SIPA1L2: variants seen among roughly 807,000 people sequenced by gnomAD.
SIPA1L2 encodes the protein signal induced proliferation associated 1 like 2.
SIPA1L2 carries 56 observed loss-of-function variants against 163.9 expected under a neutral mutation model. That is an observed-to-expected ratio of 0.34 (90% CI 0.28 to 0.43). The LOEUF is 0.43. Ranked by LOEUF, SIPA1L2 falls within the 20% of genes least tolerant of loss-of-function variation. The pLI is 1.00. For missense variants in SIPA1L2, 1,974 were observed against 2,193.5 expected (o/e 0.90, Z 2.00); for synonymous variants, 877 against 865.7 (o/e 1.01, Z -0.23).
intron 1 of SIPA1L2, among the ~76,000 whole-genome samples, chr1:232,589,783 A>G (rs556931501): frequency 5.9e-5 from 9 of 152,326 alleles, no homozygotes; most frequent in East Asian, 3.9e-4. Flanking sequence ...GGGAAAACTG[A>G]TAAGTGCATT....
At chr1:232,564,656 T>C (rs1384137160) in intron 2 of SIPA1L2, among the ~76,000 whole-genome samples, 1 of 152,122 alleles carries the variant, frequency 6.6e-6, no homozygotes, top group Non-Finnish European at 1.5e-5. Flanking sequence ...TAATTTAGCG[T>C]TTACTTTTCC....
chr1:232,616,609 A>G (rs990112544), intron 1 of SIPA1L2, among the ~76,000 whole-genome samples: 4 of 152,206 alleles, frequency 2.6e-5, no homozygotes, highest in African/African-American at 7.2e-5. Flanking sequence ...GGAGGAGAGC[A>G]GCCTACCTGT....
chr1:232,427,045 T>G (rs561474773), intron 17 of SIPA1L2, among the ~76,000 whole-genome samples: 1 of 152,344 alleles, frequency 6.6e-6, no homozygotes, highest in East Asian at 1.9e-4. Context: ...AACTGGAATG[T>G]GTGTGAGTTA....
chr1:232,619,893 AT>A (rs111286928), intron 1 of SIPA1L2, among the ~76,000 whole-genome samples: 12 of 150,670 alleles, frequency 8.0e-5, no homozygotes, highest in East Asian at 2.0e-4. Context: ...CTCCAAATAG[AT>A]TTTTTTTTTA....
At chr1:232,551,853 C>G (rs1658404051) in intron 2 of SIPA1L2, among the ~76,000 whole-genome samples, 1 of 152,132 alleles carries the variant, frequency 6.6e-6, no homozygotes, top group Admixed American at 6.6e-5. Context: ...TTTATTTTCC[C>G]CATGAGAAGA....
chr1:232,523,657 C>T (rs1478671668), intron 2 of SIPA1L2, among the ~76,000 whole-genome samples: 1 of 152,056 alleles, frequency 6.6e-6, no homozygotes, highest in Admixed American at 6.5e-5. Context: ...AACTGGCAGG[C>T]TGGAGCTTTA....
At chr1:232,527,517 G>C (rs1489706975) in intron 2 of SIPA1L2, among the ~76,000 whole-genome samples, 1 of 152,106 alleles carries the variant, frequency 6.6e-6, no homozygotes, top group Non-Finnish European at 1.5e-5. Context: ...AGTATGAACT[G>C]AGTGCTAAAT....
chr1:232,622,178 TA>T (rs1662844265), intron 1 of SIPA1L2, among the ~76,000 whole-genome samples: 2 of 152,232 alleles, frequency 1.3e-5, no homozygotes, highest in Admixed American at 6.5e-5. Context: ...TACACAAATG[TA>T]AACAAATAGG....
intron 1 of SIPA1L2, among the ~76,000 whole-genome samples, chr1:232,615,459 T>A (rs1325533645): frequency 6.6e-6 from 1 of 152,186 alleles, no homozygotes; most frequent in Non-Finnish European, 1.5e-5. Flanking sequence ...GAGTATGAGA[T>A]GGCCCCTGGA....
At chr1:232,599,041 T>C (rs1661444561) in intron 1 of SIPA1L2, among the ~76,000 whole-genome samples, 1 of 151,970 alleles carries the variant, frequency 6.6e-6, no homozygotes, top group Non-Finnish European at 1.5e-5. Flanking sequence ...ACAGCTGCTT[T>C]AATGGAGCAA....
At chr1:232,547,736 T>G (rs565414869) in intron 2 of SIPA1L2, among the ~76,000 whole-genome samples, 4 of 152,104 alleles carry the variant, frequency 2.6e-5, no homozygotes, top group Non-Finnish European at 5.9e-5. Flanking sequence ...AACGAAAAAA[T>G]TCCTATTGAT....
intron 1 of SIPA1L2, among the ~76,000 whole-genome samples, chr1:232,617,009 A>C (rs1662532710): frequency 6.6e-6 from 1 of 152,252 alleles, no homozygotes; most frequent in African/African-American, 2.4e-5. Flanking sequence ...ACATATTATC[A>C]TAAAACTGAA....
chr1:232,574,918 A>G (rs187099752), intron 1 of SIPA1L2, among the ~76,000 whole-genome samples: 6 of 152,332 alleles, frequency 3.9e-5, no homozygotes, highest in South Asian at 2.1e-4. Flanking sequence ...GAAAAAAACA[A>G]TTGGTCTTTT....
At chr1:232,519,695 G>A (rs529511176) in intron 2 of SIPA1L2, among the ~76,000 whole-genome samples, 1 of 152,244 alleles carries the variant, frequency 6.6e-6, no homozygotes, top group South Asian at 2.1e-4. Context: ...AAAGGCCATG[G>A]TATTTTTCCT....
At chr1:232,516,524 C>A (rs1463074334) in intron 2 of SIPA1L2, among the ~76,000 whole-genome samples, 1 of 152,190 alleles carries the variant, frequency 6.6e-6, no homozygotes, top group Non-Finnish European at 1.5e-5. Context: ...CTGTGCATGT[C>A]AGTATCTGAC....
At chr1:232,445,902 C>A in intron 10 of SIPA1L2, 116 bp from the exon 11 acceptor site, 1 of 1,148,730 alleles carries the variant, frequency 8.7e-7, no homozygotes, top group Admixed American at 2.2e-5. Context: ...CTCCCGGCTC[C>A]AAGTCAATGA....
intron 18 of SIPA1L2, among the ~76,000 whole-genome samples, chr1:232,418,911 A>G (rs1260675126): frequency 2.6e-5 from 4 of 152,216 alleles, no homozygotes; most frequent in East Asian, 3.9e-4. Flanking sequence ...AATGTATTTG[A>G]TAAGTGACTA....
intron 1 of SIPA1L2, among the ~76,000 whole-genome samples, chr1:232,605,453 G>T (rs1003593838): frequency 6.6e-6 from 1 of 152,186 alleles, no homozygotes; most frequent in Non-Finnish European, 1.5e-5. Context: ...CCAGAACTTT[G>T]GGAGGCCGAA....
chr1:232,518,526 C>A (rs1334092765), intron 2 of SIPA1L2, among the ~76,000 whole-genome samples: 1 of 152,170 alleles, frequency 6.6e-6, no homozygotes, highest in African/African-American at 2.4e-5. Context: ...GTTTTCTACG[C>A]CCTGCCCCAG....
Sources: gnomAD v4.1 joint callset for allele counts (sites outside exome capture counted in the v4.1 genomes callset) on GRCh38, gnomAD v4.1.1 for gene constraint, MANE v1.5 for transcripts, NCBI Gene and HGNC (gene_info 2026-07-23, HGNC 2026-07-21) for gene names.